RERE: variants seen among roughly 807,000 people sequenced by gnomAD.
The protein encoded by RERE is arginine-glutamic acid dipeptide repeats protein.
RERE carries 40 observed loss-of-function variants against 146.1 expected under a neutral mutation model. That is an observed-to-expected ratio of 0.27 (90% CI 0.21 to 0.36). The LOEUF (loss-of-function observed/expected upper bound fraction) is 0.36, where lower values mean the gene tolerates loss of function less well. Ranked by LOEUF, RERE falls within the 10% of genes least tolerant of loss-of-function variation. RERE has a pLI of 1.00. For missense variants in RERE, 1,933 were observed against 2,138.7 expected (o/e 0.90, Z 1.90); for synonymous variants, 1,003 against 866.0 (o/e 1.16, Z -2.78).
chr1:8,591,980 C>G (rs1646500289), intron 4 of RERE, among the ~76,000 whole-genome samples: 1 of 152,150 alleles, frequency 6.6e-6, no homozygotes, highest in African/African-American at 2.4e-5. Flanking sequence ...GTTTAATAAA[C>G]TTTGGCTTAA....
Position 8,360,239 on chromosome 1 carries a change from TG to T in RERE, c.3267del (p.Thr1090ProfsTer167). On this transcript the variant is annotated frameshift_variant, in exon 18 of 23. Coordinates refer to ENST00000400908, the MANE Select transcript of RERE (RefSeq NM_001042681.2). LOFTEE classifies it high-confidence loss of function. ...AGAGCCTCCTCCTTGATCTGGACGG[TG>T]GGGAGTGGGCAGGACGACCCCCCCG... ...SIAGGSSCPL[P>X]TVQIKEEALD... 6.3e-7 allele frequency: 1 copy of T among 1,579,938 alleles called. No individual in the cohort carries two copies.
At chr1:8,509,321 G>A (rs993761523) in intron 7 of RERE, among the ~76,000 whole-genome samples, 4 of 151,930 alleles carry the variant, frequency 2.6e-5, no homozygotes, top group African/African-American at 2.4e-5. Flanking sequence ...CATTTCTTCC[G>A]TTCAAAACAT....
rs569910703 is a variant in RERE, at chr1:8,356,491, G to A, written c.4340-245C>T. ...TGCAGGCACTCCCTCGTCCGCTTGT[G>A]GAGTGCCCCTAACAGGCAATCCCAG... On this transcript the variant is annotated intron_variant, in intron 20 of 22. Coordinates refer to ENST00000400908, the MANE Select transcript of RERE (RefSeq NM_001042681.2). This position sits in a 1 kb window ranked among gnomAD's most constrained non-coding sequence, Gnocchi z 5.2. Among the ~76,000 whole-genome samples the A allele has an allele frequency of 6.6e-6, 1 of 152,220 alleles. No individual in the cohort carries two copies. The highest frequency in any genetic ancestry group is 1.5e-5 in the Non-Finnish European group (1 of 67,986).
At chr1:8,783,832 T>A (rs1274509873) in intron 1 of RERE, among the ~76,000 whole-genome samples, 1 of 151,994 alleles carries the variant, frequency 6.6e-6, no homozygotes, top group Non-Finnish European at 1.5e-5. Context: ...ACAACAGACA[T>A]CGTAGACTGA....
chr1:8,611,277 G>A (rs1397676525), intron 4 of RERE, among the ~76,000 whole-genome samples: 1 of 152,082 alleles, frequency 6.6e-6, no homozygotes, highest in East Asian at 1.9e-4. Context: ...GCCAAGATGA[G>A]AGGATCACTT....
chr1:8,795,784 A>G (rs1164702160), intron 1 of RERE, among the ~76,000 whole-genome samples: 1 of 151,898 alleles, frequency 6.6e-6, no homozygotes, highest in East Asian at 1.9e-4. Context: ...GGAGTTCGAG[A>G]CCAGCCTGAC....
intron 10 of RERE, among the ~76,000 whole-genome samples, chr1:8,489,726 C>G (rs969957711): frequency 5.3e-5 from 8 of 152,122 alleles, no homozygotes; most frequent in Non-Finnish European, 1.2e-4. Flanking sequence ...TTATAACACA[C>G]TACTGATGGG....
intron 8 of RERE, among the ~76,000 whole-genome samples, chr1:8,498,215 C>T (rs1035556584): frequency 6.6e-6 from 1 of 151,502 alleles, no homozygotes; most frequent in African/African-American, 2.4e-5. Flanking sequence ...AAAAAGTAGC[C>T]GAGCACGGTG....
intron 1 of RERE, among the ~76,000 whole-genome samples, chr1:8,719,880 TCA>T (rs1639828444): frequency 2.0e-5 from 3 of 152,190 alleles, no homozygotes; most frequent in Non-Finnish European, 2.9e-5. Context: ...AAAATTATTT[TCA>T]TATAAATTGG....
chr1:8,579,580 T>G lies in RERE; in HGVS notation c.523-22057A>C, dbSNP rs539270995. Among the ~76,000 whole-genome samples, 13 of 152,358 alleles carry G rather than the reference T, an allele frequency of 8.5e-5. No individual in the cohort carries two copies. The South Asian group carries it at 2.7e-3, about 32-fold the overall frequency. On this transcript the variant is annotated intron_variant, in intron 4 of 22. Transcript: ENST00000400908. ...GATAGTGGAACCAGGCCTAGGGAATTTATAGAGACTACTGCCTCTGCATTA... is the reference window on the plus strand; with the variant it reads ...GATAGTGGAACCAGGCCTAGGGAATGTATAGAGACTACTGCCTCTGCATTA...
At chr1:8,623,030 C>G (rs192940781) in intron 3 of RERE, among the ~76,000 whole-genome samples, 39 of 152,332 alleles carry the variant, frequency 2.6e-4, no homozygotes, top group African/African-American at 8.4e-4. Context: ...AGAGCACAGA[C>G]AGTGGTTCAC....
At chr1:8,550,691 C>T (rs150985024) in intron 6 of RERE, among the ~76,000 whole-genome samples, 202 of 152,260 alleles carry the variant, frequency 1.3e-3, no homozygotes, top group Middle Eastern at 3.4e-3. Context: ...GGACTACAGG[C>T]ACCAGCCACC....
At chr1:8,361,956 C>T (rs2124370660) in intron 16 of RERE, 80 bp from the exon 17 acceptor site, 3 of 1,026,468 alleles carry the variant, frequency 2.9e-6, no homozygotes, top group South Asian at 1.4e-5. Flanking sequence ...TGACGGTTTG[C>T]AGACACTTTG....
At chr1:8,774,951 C>CTTTTTTTTTTTTT (rs869173167) in intron 1 of RERE, among the ~76,000 whole-genome samples, 26 of 47,942 alleles carry the variant, frequency 5.4e-4, no homozygotes, top group South Asian at 8.6e-4. Flanking sequence ...TTCTTTCTTT[C>CTTTTTTTTTTTTT]TTTTTTTTTT....
chr1:8,753,224 C>T (rs1444960616), intron 1 of RERE, among the ~76,000 whole-genome samples: 1 of 152,128 alleles, frequency 6.6e-6, no homozygotes, highest in Non-Finnish European at 1.5e-5. Flanking sequence ...AGGGAATAAA[C>T]AATATAAACA....
chr1:8,445,685 T>G (rs1644307817), intron 11 of RERE, among the ~76,000 whole-genome samples: 1 of 142,638 alleles, frequency 7.0e-6, no homozygotes, highest in Non-Finnish European at 1.5e-5. Context: ...GAACCCCACC[T>G]TTTTTTTTTT....
chr1:8,800,236 G>T (rs1439872031), intron 1 of RERE, among the ~76,000 whole-genome samples: 5 of 144,210 alleles, frequency 3.5e-5, no homozygotes, highest in African/African-American at 1.3e-4. Context: ...TCCAGCATGG[G>T]CTACAGAGTG....
At chr1:8,716,731 C>T (rs78421559) in intron 1 of RERE, among the ~76,000 whole-genome samples, 1,696 of 151,928 alleles carry the variant, frequency 0.011, 25 homozygotes, top group Non-Finnish European at 0.019. Flanking sequence ...ATCTTTGCTA[C>T]CTTTTTTTAA....
At chr1:8,514,765 C>CAAGAA (rs1346528774) in intron 7 of RERE, among the ~76,000 whole-genome samples, 1 of 151,444 alleles carries the variant, frequency 6.6e-6, no homozygotes, top group African/African-American at 2.4e-5. Flanking sequence ...AAAGAAAAGA[C>CAAGAA]AAGACAAGAA....
Sources: allele counts gnomAD v4.1 joint callset (sites outside exome capture counted in the v4.1 genomes callset), GRCh38; gene constraint gnomAD v4.1.1; non-coding constraint Gnocchi (gnomAD v3.1); transcripts MANE v1.5; gene names NCBI Gene and HGNC (gene_info 2026-07-23, HGNC 2026-07-21).